The following SPAG1 variants were observed in gnomAD, a reference collection of about 807,000 sequenced individuals.
SPAG1 encodes the protein sperm-associated antigen 1.
SPAG1 carries 69 observed loss-of-function variants against 100.5 expected under a neutral mutation model. The observed-to-expected ratio is 0.69, with a 90% CI of 0.57 to 0.84. SPAG1 has a LOEUF of 0.84. Among genes scored for constraint, SPAG1 ranks in the 40% least tolerant of loss-of-function variants. SPAG1 has a pLI of 0.00. For missense variants in SPAG1, 955 were observed against 1,133.1 expected (o/e 0.84, Z 2.26); for synonymous variants, 336 against 411.6 (o/e 0.82, Z 2.22).
At chr8:100,162,964 A>G (rs1425280050) in intron 2 of SPAG1, among the ~76,000 whole-genome samples, 1 of 151,692 alleles carries the variant, frequency 6.6e-6, no homozygotes, top group East Asian at 1.9e-4. Context: ...TAAAAAAATA[A>G]AAAATAATAA....
intron 14 of SPAG1, among the ~76,000 whole-genome samples, chr8:100,230,053 C>G (rs1174671813): frequency 6.6e-6 from 1 of 152,184 alleles, no homozygotes; most frequent in African/African-American, 2.4e-5. Context: ...AACATTTTAT[C>G]AGCTCTTATA....
intron 12 of SPAG1, among the ~76,000 whole-genome samples, chr8:100,214,317 G>A (rs1163045930): frequency 6.6e-6 from 1 of 152,132 alleles, no homozygotes; most frequent in African/African-American, 2.4e-5. Flanking sequence ...TCACTACACT[G>A]CCTCCAAGCA....
chr8:100,167,517 A>G (rs1003862583), intron 3 of SPAG1, among the ~76,000 whole-genome samples: 22 of 152,198 alleles, frequency 1.4e-4, no homozygotes, highest in African/African-American at 5.3e-4. Context: ...GTACTCACCT[A>G]TTTTTGGATG....
chr8:100,219,792 C>T (rs185149585), intron 12 of SPAG1, among the ~76,000 whole-genome samples: 23 of 152,232 alleles, frequency 1.5e-4, no homozygotes, highest in African/African-American at 5.5e-4. Flanking sequence ...CCTTGATTCC[C>T]CTTTGGTCTG....
intron 10 of SPAG1, among the ~76,000 whole-genome samples, chr8:100,203,059 G>T (rs1323177454): frequency 6.6e-6 from 1 of 152,146 alleles, no homozygotes; most frequent in African/African-American, 2.4e-5. Context: ...GTCTGTGAGG[G>T]TATTGCTGAA....
intron 1 of SPAG1, among the ~76,000 whole-genome samples, chr8:100,160,326 A>G (rs770263876): frequency 1.4e-4 from 21 of 152,216 alleles, no homozygotes; most frequent in Non-Finnish European, 2.4e-4. Flanking sequence ...AATTTGTGCT[A>G]AGAGAGAGGT....
Position 100,213,875 on chromosome 8 carries a change from C to A in SPAG1, c.1492C>A (p.Leu498Ile). The part of the protein sequence containing the change: ...ILYSNRAACY[L>I]KEGNCSGCIQ... ...ATATTCAAATAGAGCAGCATGTTAC[C>A]TAAAAGAAGGAAACTGCAGTGGCTG... Residue 498 changes from leucine to isoleucine, a missense_variant, in exon 12 of 19, where the codon CTA (leucine) becomes ATA (isoleucine). Coordinates refer to ENST00000388798, the MANE Select transcript of SPAG1 (RefSeq NM_003114.5). 6.2e-7 allele frequency: 1 copy of A among 1,604,198 alleles called. No homozygotes were observed. The highest frequency in any genetic ancestry group is 8.5e-7 in the Non-Finnish European group (1 of 1,173,094).
intron 5 of SPAG1, among the ~76,000 whole-genome samples, chr8:100,183,734 A>G (rs1425051163): frequency 6.6e-6 from 1 of 152,186 alleles, no homozygotes; most frequent in African/African-American, 2.4e-5. Flanking sequence ...TCAAAATTTT[A>G]ATTTCAAAGT....
At chr8:100,158,689 G>A (rs1563763856) in intron 1 of SPAG1, 73 bp downstream of exon 1, 1 of 152,212 alleles carries the variant, frequency 6.6e-6, no homozygotes, top group Non-Finnish European at 1.5e-5. Context: ...AATCCAGCTA[G>A]GATCGAAGGT....
intron 4 of SPAG1, among the ~76,000 whole-genome samples, chr8:100,179,544 C>A (rs768258096): frequency 6.6e-6 from 1 of 152,150 alleles, no homozygotes; most frequent in Non-Finnish European, 1.5e-5. Flanking sequence ...CCCAGAGATT[C>A]TTCCAGGGGG....
intron 10 of SPAG1, among the ~76,000 whole-genome samples, chr8:100,210,257 G>A (rs190223540): frequency 6.6e-6 from 1 of 151,748 alleles, no homozygotes; most frequent in East Asian, 1.9e-4. Flanking sequence ...ATCAATTGTG[G>A]GATCATGTAT....
At chr8:100,160,109 T>C (rs1163995456) in intron 1 of SPAG1, among the ~76,000 whole-genome samples, 1 of 152,220 alleles carries the variant, frequency 6.6e-6, no homozygotes, top group Non-Finnish European at 1.5e-5. Context: ...AACTATATAT[T>C]TGTTGCTATT....
chr8:100,229,081 GA>G (rs1363902600), intron 14 of SPAG1, among the ~76,000 whole-genome samples: 2 of 152,198 alleles, frequency 1.3e-5, no homozygotes, highest in African/African-American at 4.8e-5. Flanking sequence ...TGTCCAAAGA[GA>G]GAGAGAAACC....
Position 100,217,422 on chromosome 8 carries a change from G to T in SPAG1, c.1536-2857G>T, listed in dbSNP as rs1380926370. ...CTGAGGAGCATTGGTTGTTTTCCAG[G>T]GGTGTGTTTGGAGAGTGGCCATTTG... On this transcript the variant is annotated intron_variant, in intron 12 of 18. Coordinates refer to ENST00000388798, the MANE Select transcript of SPAG1 (RefSeq NM_003114.5). Among the ~76,000 whole-genome samples, 2 of 152,084 alleles carry T rather than the reference G, an allele frequency of 1.3e-5. 1 individual carries two copies. Among genetic ancestry groups the T allele is most frequent in the Admixed American group, 1.3e-4 (2 of 15,266 alleles).
rs1231278806 is a variant in SPAG1 at position 100,184,067 on chromosome 8, T to C, written c.595+5T>C. 1.6e-6 allele frequency: 2 copies of C among 1,277,800 alleles called. No individual in the cohort carries two copies. The highest frequency in any genetic ancestry group is 2.0e-4 in the Middle Eastern group (1 of 5,114). 79.2% of individuals were successfully genotyped at this position (1,277,800 alleles called of 1,614,324 possible). A position where few individuals can be genotyped will look rare whatever the true frequency, so the allele number is the denominator to read the frequency against. The stretch of plus-strand genomic sequence containing the variant: ...AGACAAGAATAGATACAGCAGGTAA[T>C]TGGAGAAAAAATAATAATTTAGTAG... On this transcript the variant is annotated splice_donor_5th_base_variant and intron_variant, in intron 6 of 18. Coordinates refer to ENST00000388798, the MANE Select transcript of SPAG1 (RefSeq NM_003114.5).
chr8:100,173,310 C>A lies in SPAG1; in HGVS notation c.301-4506C>A, dbSNP rs1037952699. On this transcript the variant is annotated intron_variant, in intron 3 of 18. Coordinates refer to ENST00000388798, the MANE Select transcript of SPAG1 (RefSeq NM_003114.5). ...CCTTCTCACTTGCCTTTCTTTCATACTTTGTTTGCCACTTGTCCCCTTTTC... is the reference window on the plus strand; with the variant it reads ...CCTTCTCACTTGCCTTTCTTTCATAATTTGTTTGCCACTTGTCCCCTTTTC... Among the ~76,000 whole-genome samples the A allele has an allele frequency of 5.3e-5, 8 of 152,134 alleles. No homozygotes were observed. The East Asian group carries it at 1.4e-3, about 26-fold the overall frequency.
Position 100,239,178 on chromosome 8 carries a change from C to T in SPAG1, c.2116-62C>T. 2 of 1,072,458 alleles carry T rather than the reference C, an allele frequency of 1.9e-6. No homozygotes were observed. The highest frequency in any genetic ancestry group is 2.7e-6 in the Non-Finnish European group (2 of 743,278). 66.4% of individuals were successfully genotyped at this position (1,072,458 alleles called of 1,614,324 possible). On this transcript the variant is annotated intron_variant, in intron 16 of 18. Coordinates refer to ENST00000388798, the MANE Select transcript of SPAG1 (RefSeq NM_003114.5). The surrounding 1 kb of genome is among the most constrained non-coding windows in gnomAD (Gnocchi z 5.0). ...GCTCACTACATCCACCCCACTCCCA[C>T]TCAGGTTACTCTAGGCTCCTTCTAT...
At position 100,191,449 on chromosome 8, in the gene SPAG1, G is replaced by T; in HGVS notation, c.892G>T (p.Asp298Tyr). The T allele has an allele frequency of 6.2e-7, 1 of 1,614,020 alleles. No individual in the cohort carries two copies. The highest frequency in any genetic ancestry group is 8.5e-7 in the Non-Finnish European group (1 of 1,179,908). Reference protein sequence around the residue: ...HQNKLREATEDLSKVLDVEPD... With the variant: ...HQNKLREATEYLSKVLDVEPD... ...AAACAAGCTCCGGGAAGCTACAGAA[G>T]ATTTGAGTAAAGTACTAGATGTTGA... The change falls in exon 9 of 19, where the codon GAT becomes TAT. Residue 298 changes from aspartate (D) to tyrosine (Y), a missense_variant. By Grantham distance (160) the Asp-to-Tyr change is radical. Transcript: ENST00000388798.
At chr8:100,195,075 G>C (rs1816974462) in intron 10 of SPAG1, among the ~76,000 whole-genome samples, 1 of 151,564 alleles carries the variant, frequency 6.6e-6, no homozygotes, top group African/African-American at 2.4e-5. Flanking sequence ...TGAGGCAGGA[G>C]AGTGGCTTAA....
Sources: allele counts gnomAD v4.1 joint callset (sites outside exome capture counted in the v4.1 genomes callset), GRCh38; gene constraint gnomAD v4.1.1; non-coding constraint Gnocchi (gnomAD v3.1); transcripts MANE v1.5; gene names NCBI Gene and HGNC (gene_info 2026-07-23, HGNC 2026-07-21).